The following PARP10 variants were observed in gnomAD, a reference collection of about 807,000 sequenced individuals.
PARP10 encodes the protein poly(ADP-ribose) polymerase family member 10.
In PARP10, 56 loss-of-function variants were observed where a neutral mutation model predicts 82.4. That is an observed-to-expected ratio of 0.68 (90% confidence interval 0.55 to 0.85). The LOEUF is 0.85. Among genes scored for constraint, PARP10 ranks in the 40% least tolerant of loss-of-function variants. PARP10 has a pLI of 0.00. For missense variants in PARP10, 1,227 were observed against 1,379.4 expected (o/e 0.89, Z 1.75); for synonymous variants, 576 against 601.1 (o/e 0.96, Z 0.61).
chr8:143,991,498 G>T, upstream of PARP10: 3 of 1,536,424 alleles, frequency 2.0e-6, no homozygotes, highest in Non-Finnish European at 1.7e-6. Context: ...TACCCACAGG[G>T]CCCCTACCCC....
upstream of PARP10, among the ~76,000 whole-genome samples, chr8:143,989,251 A>G (rs550823104): frequency 5.9e-5 from 9 of 152,346 alleles, no homozygotes; most frequent in African/African-American, 2.2e-4. The surrounding 1 kb of genome is among the most constrained non-coding windows in gnomAD (Gnocchi z 4.3). Flanking sequence ...TGCTCCCCCA[A>G]GAGGACTTGG....
chr8:143,987,245 C>A (rs574696958), upstream of PARP10: 24 of 152,610 alleles, frequency 1.6e-4, no homozygotes, highest in South Asian at 4.5e-3. Context: ...TCCCACATCA[C>A]CCAAGCTCCG....
upstream of PARP10, among the ~76,000 whole-genome samples, chr8:143,987,474 G>A (rs1313466347): frequency 1.3e-5 from 2 of 152,210 alleles, no homozygotes; most frequent in Admixed American, 6.5e-5. Context: ...AGGTAGCTAG[G>A]CTAACCTCTT....
Position 143,977,410 on chromosome 8 carries a change from T to C in PARP10, c.*74A>G, listed in dbSNP as rs550765167. On this transcript the variant is annotated 3_prime_UTR_variant, in exon 11 of 11. Coordinates refer to ENST00000313028, the MANE Select transcript of PARP10 (RefSeq NM_032789.5). ...CCGGGGACAGCTCAGGCGGCCACAG[T>C]TGGGGGCGGGGAGCATCAGCCTGTG... 6.0e-6 allele frequency: 8 copies of C among 1,322,428 alleles called. No individual in the cohort carries two copies. The African/African-American group carries it at 1.2e-4, about 20-fold the overall frequency. 81.9% of individuals were successfully genotyped at this position (1,322,428 alleles called of 1,614,324 possible).
At chr8:143,982,646 CTG>C (rs1833889829) in intron 9 of PARP10, among the ~76,000 whole-genome samples, 1 of 152,224 alleles carries the variant, frequency 6.6e-6, no homozygotes, top group Admixed American at 6.5e-5. Flanking sequence ...AATAAGGAAA[CTG>C]AGGCCTGGAG....
chr8:143,992,094 G>A, upstream of PARP10: 1 of 1,612,650 alleles, frequency 6.2e-7, no homozygotes, highest in Non-Finnish European at 8.5e-7. Context: ...CCCCAAACCT[G>A]AGCCTCTGTG....
upstream of PARP10, chr8:143,993,092 T>G (rs1341859279): frequency 8.1e-6 from 4 of 493,768 alleles, no homozygotes; most frequent in Admixed American, 1.1e-4. Context: ...CCGTGCCACC[T>G]CCTGTCTACT....
At chr8:143,988,875 T>G (rs943019996), upstream of PARP10, 1 of 152,194 alleles carries the variant, frequency 6.6e-6, no homozygotes, top group Non-Finnish European at 1.5e-5. Context: ...TTTCCACGTT[T>G]TCTCTAATGG....
intron 1 of PARP10, among the ~76,000 whole-genome samples, chr8:144,009,192 C>T (rs1554752267): frequency 6.6e-6 from 1 of 152,204 alleles, no homozygotes; most frequent in East Asian, 1.9e-4. Context: ...CTACCTTCCC[C>T]TCCCACTCAC....
rs973870124 is a variant in PARP10, at chr8:144,011,560, C to T, written c.-80+970G>A. Among the ~76,000 whole-genome samples, 1 of 152,110 alleles carries T rather than the reference C, an allele frequency of 6.6e-6. No individual in the cohort carries two copies. Among genetic ancestry groups the T allele is most frequent in the Non-Finnish European group, 1.5e-5 (1 of 68,032 alleles). ...GAACAGCCACAGAGCCAATGGAGGC[C>T]ACGAGGACACGGCCTCACTCAGTAC... On this transcript the variant is annotated intron_variant, in intron 1 of 3. Coordinates refer to the PARP10 transcript ENST00000530478. This position sits in a 1 kb window ranked among gnomAD's most constrained non-coding sequence, Gnocchi z 4.5.
At chr8:143,986,710 C>CCTG, upstream of PARP10, 1 of 451,886 alleles carries the variant, frequency 2.2e-6, no homozygotes, top group East Asian at 3.9e-5. Context: ...CTCCCCTGGC[C>CCTG]TCCATGGCCT....
In PARP10 at chr8:143,977,708, C is replaced by T. The variant is rs782157934; in HGVS notation, c.2854G>A (p.Asp952Asn). The T allele has an allele frequency of 6.3e-7, 1 of 1,594,200 alleles. No individual in the cohort carries two copies. Among genetic ancestry groups the T allele is most frequent in the South Asian group, 1.1e-5 (1 of 88,530 alleles). ...AGACCGCGGCGGCCCTGCCCGTAGT[C>T]GCCAGTCAGCACCCGTGCCACGAAC... Reference protein sequence around the residue: ...AVFVARVLTGDYGQGRRGLRA... With the variant: ...AVFVARVLTGNYGQGRRGLRA... Residue 952 changes from aspartate to asparagine, a missense_variant, in exon 11 of 11, where the codon GAC (aspartate) becomes AAC (asparagine). Coordinates refer to ENST00000313028, the MANE Select transcript of PARP10 (RefSeq NM_032789.5).
rs782817778 is a variant in PARP10, at chr8:143,977,637, G to C, written c.2925C>G (p.Tyr975Ter). ...GGCAGATGCAGTCCACGGCGCTGTC[G>C]TAGCGCAGGAGCACGTGGCCAGGAC... ...LRGPGHVLLRYDSAVDCICQP... is the reference protein window; with the variant it reads ...LRGPGHVLLR The change falls in exon 11 of 11, where the codon TAC (tyrosine) becomes TAG (stop). Residue 975 changes from tyrosine (Y) to a stop codon, truncating the protein, a stop_gained. Transcript: ENST00000313028. LOFTEE classifies it low-confidence loss of function (END_TRUNC). 6.3e-7 allele frequency: 1 copy of C among 1,592,922 alleles called. No individual in the cohort carries two copies. The highest frequency in any genetic ancestry group is 2.3e-5 in the East Asian group (1 of 43,526).
chr8:144,006,636 T>C (rs1187448998), intron 1 of PARP10, among the ~76,000 whole-genome samples: 1 of 152,186 alleles, frequency 6.6e-6, no homozygotes, highest in Non-Finnish European at 1.5e-5. Flanking sequence ...CCCCTCAAAA[T>C]GCATGTGTTA....
In PARP10 at chr8:143,985,030, A is replaced by G; in HGVS notation, c.972T>C (p.Ser324=). 1.9e-6 allele frequency: 3 copies of G among 1,613,904 alleles called. No homozygotes were observed. The Middle Eastern group carries it at 4.9e-4, about 266-fold the overall frequency. The part of the protein sequence containing the change: ...VQGRGIMTTG[S]GQEPGQSGTS... ...TCCCTGACTGCCCTGGTTCCTGGCC[A>G]GAGCCTGTTGTCATAATCCCTCTAC... Residue 324 remains serine (S), a synonymous_variant, in exon 5 of 11, where the codon TCT becomes TCC. Transcript: ENST00000313028.
At chr8:143,993,730 G>A (rs1041591742), upstream of PARP10, among the ~76,000 whole-genome samples, 4 of 152,218 alleles carry the variant, frequency 2.6e-5, no homozygotes, top group Admixed American at 1.3e-4. Context: ...CTGGGCCAGC[G>A]GCACAGGTCA....
intron 1 of PARP10, among the ~76,000 whole-genome samples, chr8:143,998,527 G>A (rs1229839155): frequency 6.6e-6 from 1 of 152,148 alleles, no homozygotes; most frequent in African/African-American, 2.4e-5. Context: ...AAACCAAGAG[G>A]AAACAGACCC....
At chr8:143,991,510 A>C, upstream of PARP10, 1 of 1,542,060 alleles carries the variant, frequency 6.5e-7, no homozygotes, top group South Asian at 1.2e-5. Context: ...CCCTACCCCC[A>C]AGGGGGCTAC....
chr8:143,991,084 C>A, upstream of PARP10: 1 of 601,492 alleles, frequency 1.7e-6, no homozygotes, highest in Non-Finnish European at 2.9e-6. Context: ...GGGCAAAGGT[C>A]ACGGTCTTCC....
Sources: allele counts gnomAD v4.1 joint callset (sites outside exome capture counted in the v4.1 genomes callset), GRCh38; gene constraint gnomAD v4.1.1; non-coding constraint Gnocchi (gnomAD v3.1); transcripts MANE v1.5; gene names NCBI Gene and HGNC (gene_info 2026-07-23, HGNC 2026-07-21).